Variants in APP observed in about 807,000 individuals in gnomAD.
The protein encoded by APP is amyloid beta precursor protein.
A neutral mutation model predicts 101.4 loss-of-function variants in APP; 31 were observed. That is an observed-to-expected ratio of 0.31 (90% CI 0.23 to 0.41). APP has a LOEUF of 0.41. Ranked by LOEUF, APP falls within the 10% of genes least tolerant of loss-of-function variation. The pLI, the probability that APP is intolerant of heterozygous loss-of-function variation, is 1.00. For missense variants in APP, 839 were observed against 1,003.7 expected (o/e 0.84, Z 2.22); for synonymous variants, 366 against 364.4 (o/e 1.00, Z -0.05).
At chr21:26,143,211 T>C (rs2063084351) in intron 1 of APP, among the ~76,000 whole-genome samples, 1 of 152,236 alleles carries the variant, frequency 6.6e-6, no homozygotes, top group Non-Finnish European at 1.5e-5. Context: ...TGATGGCTCA[T>C]GCCTATAATC....
chr21:26,119,543 A>C (rs1213698627), intron 1 of APP, among the ~76,000 whole-genome samples: 1 of 152,150 alleles, frequency 6.6e-6, no homozygotes, highest in Non-Finnish European at 1.5e-5. Flanking sequence ...TCCAACTACT[A>C]ATGTTTATCA....
intron 5 of APP, among the ~76,000 whole-genome samples, chr21:26,048,363 T>C (rs2045699026): frequency 6.6e-6 from 1 of 152,064 alleles, no homozygotes; most frequent in South Asian, 2.1e-4. Flanking sequence ...ACATTACATT[T>C]GTATTAGACA....
intron 7 of APP, among the ~76,000 whole-genome samples, chr21:25,998,538 A>G (rs577452170): frequency 1.3e-5 from 2 of 152,218 alleles, no homozygotes; most frequent in Non-Finnish European, 2.9e-5. Flanking sequence ...GCTCCTTTAC[A>G]GTGGGGGTAT....
intron 3 of APP, among the ~76,000 whole-genome samples, chr21:26,068,710 A>G (rs1362096743): frequency 6.6e-6 from 1 of 151,900 alleles, no homozygotes; most frequent in Non-Finnish European, 1.5e-5. Flanking sequence ...GTTTCCACCA[A>G]TCTATCTCAA....
chr21:25,986,612 A>G (rs1243772506), intron 8 of APP, among the ~76,000 whole-genome samples: 2 of 134,646 alleles, frequency 1.5e-5, no homozygotes, highest in East Asian at 2.2e-4. Context: ...AGGCAGGAGA[A>G]TCGCTTGAAC....
intron 3 of APP, among the ~76,000 whole-genome samples, chr21:26,085,864 C>A (rs2061692170): frequency 6.6e-6 from 1 of 152,180 alleles, no homozygotes; most frequent in Admixed American, 6.5e-5. Flanking sequence ...TTGACCATAT[C>A]TGATAAGATT....
upstream of APP, chr21:26,170,776 C>A: frequency 5.1e-6 from 4 of 784,434 alleles, no homozygotes; most frequent in Non-Finnish European, 7.4e-6. Flanking sequence ...CTGACGGAGC[C>A]CGAGCGCGGC....
intron 1 of APP, among the ~76,000 whole-genome samples, chr21:26,134,603 C>T (rs1357403617): frequency 6.6e-6 from 1 of 152,200 alleles, no homozygotes; most frequent in African/African-American, 2.4e-5. Context: ...TCCATGTGTT[C>T]AGCTATCTGG....
At chr21:25,903,513 C>A (rs958663334) in intron 15 of APP, among the ~76,000 whole-genome samples, 1 of 151,990 alleles carries the variant, frequency 6.6e-6, no homozygotes, top group African/African-American at 2.4e-5. Context: ...TTGAATGAGT[C>A]GAATGAGCGC....
At chr21:25,988,693 ACT>A (rs1174240102) in intron 8 of APP, among the ~76,000 whole-genome samples, 1 of 138,844 alleles carries the variant, frequency 7.2e-6, no homozygotes, top group African/African-American at 2.8e-5. Flanking sequence ...TAACAGCGAA[ACT>A]CTGTCTCAAA....
chr21:25,905,672 C>T (rs1018700387), intron 14 of APP, among the ~76,000 whole-genome samples: 4 of 152,186 alleles, frequency 2.6e-5, no homozygotes, highest in Admixed American at 2.0e-4. Flanking sequence ...AAAAGGCTGG[C>T]TTCCATTTGA....
chr21:26,031,001 A>G (rs2044792954), intron 5 of APP, among the ~76,000 whole-genome samples: 1 of 152,176 alleles, frequency 6.6e-6, no homozygotes, highest in South Asian at 2.1e-4. Flanking sequence ...TAAGAAAACT[A>G]AAACAACGAT....
intron 11 of APP, among the ~76,000 whole-genome samples, chr21:25,971,788 C>T (rs2042042259): frequency 6.6e-6 from 1 of 152,218 alleles, no homozygotes; most frequent in Non-Finnish European, 1.5e-5. Flanking sequence ...TGGTAGATGA[C>T]TGAGAAGGGT....
chr21:26,132,921 A>T (rs1244835035), intron 1 of APP, among the ~76,000 whole-genome samples: 1 of 152,148 alleles, frequency 6.6e-6, no homozygotes, highest in Non-Finnish European at 1.5e-5. Context: ...TTCATTTCTG[A>T]AACTCAATGT....
intron 3 of APP, among the ~76,000 whole-genome samples, chr21:26,074,913 AT>A (rs1255456907): frequency 6.6e-6 from 1 of 152,276 alleles, no homozygotes; most frequent in Non-Finnish European, 1.5e-5. Flanking sequence ...CTGGAGTTGA[AT>A]GTTCTTTTTA....
chr21:25,946,633 T>G (rs553271554), intron 13 of APP, among the ~76,000 whole-genome samples: 2 of 152,114 alleles, frequency 1.3e-5, no homozygotes, highest in African/African-American at 4.8e-5. Flanking sequence ...GCCGCTTCAC[T>G]TCAGCCCGGG....
In APP at chr21:25,897,593, C is replaced by G; in HGVS notation, c.2044G>C (p.Glu682Gln). 6.2e-7 allele frequency: 1 copy of G among 1,613,674 alleles called. No individual in the cohort carries two copies. Among genetic ancestry groups the G allele is most frequent in the Non-Finnish European group, 8.5e-7 (1 of 1,179,598 alleles). ...CGTACCAATTTTTGATGATGAACTT[C>G]ATATCCTGAGTCATGTCGGAATTCT... Reference protein sequence around the residue: ...DAEFRHDSGYEVHHQKLVFFA... With the variant: ...DAEFRHDSGYQVHHQKLVFFA... The change falls in exon 16 of 18, where the codon GAA becomes CAA. Residue 682 changes from glutamate (E) to glutamine (Q), a missense_variant. Physicochemically the swap from Glu to Gln is conservative, Grantham distance 29 (BLOSUM62 2). Coordinates refer to ENST00000346798, the MANE Select transcript of APP (RefSeq NM_000484.4).
intron 1 of APP, 85 bp from the exon 2 acceptor site, chr21:26,112,231 G>C (rs2062344425): frequency 3.5e-6 from 5 of 1,423,178 alleles, no homozygotes; most frequent in Non-Finnish European, 4.9e-6. Flanking sequence ...CTATCAAAAA[G>C]AGTTCTATTC....
Position 26,170,742 on chromosome 21 carries a change from TCTCG to T in APP, c.-126_-123del. 9.5e-7 allele frequency: 1 copy of T among 1,054,514 alleles called. No individual in the cohort carries two copies. The highest frequency in any genetic ancestry group is 1.8e-5 in the South Asian group (1 of 54,502). 65.3% of individuals were successfully genotyped at this position (1,054,514 alleles called of 1,614,324 possible). The stretch of plus-strand genomic sequence containing the variant: ...CCCCCGCGCACGCTCCTCCGCGTGC[TCTCG>T]CCTACCGCTGCCGAGGAAACTGACG... On this transcript the variant is annotated 5_prime_UTR_variant, in exon 1 of 18. Coordinates refer to ENST00000346798, the MANE Select transcript of APP (RefSeq NM_000484.4).
Sources: gnomAD v4.1 joint callset for allele counts (sites outside exome capture counted in the v4.1 genomes callset) on GRCh38, gnomAD v4.1.1 for gene constraint, MANE v1.5 for transcripts, NCBI Gene and HGNC (gene_info 2026-07-23, HGNC 2026-07-21) for gene names.